The following ATRX variants were observed in gnomAD, a reference collection of about 807,000 sequenced individuals.
The protein encoded by ATRX is chromatin remodeler ATRX.
In ATRX, 12 loss-of-function variants were observed where a neutral mutation model predicts 172.6. That is an observed-to-expected ratio of 0.07 (90% CI 0.04 to 0.11). The LOEUF (loss-of-function observed/expected upper bound fraction) is 0.11, where lower values mean the gene tolerates loss of function less well. Among genes scored for constraint, ATRX ranks in the 10% least tolerant of loss-of-function variants. ATRX has a pLI of 1.00. For missense variants in ATRX, 1,368 were observed against 1,767.4 expected (o/e 0.77, Z 4.05); for synonymous variants, 674 against 594.7 (o/e 1.13, Z -1.94).
intron 9 of ATRX, among the ~76,000 whole-genome samples, chrX:77,681,205 AC>A (rs782673318): frequency 1.8e-3 from 202 of 111,746 alleles, no homozygotes; most frequent in African/African-American, 6.2e-3. Context: ...TAGCTACTGA[AC>A]CACTGGCACC....
intron 1 of ATRX, among the ~76,000 whole-genome samples, chrX:77,761,280 G>C (rs2075706759): frequency 9.0e-6 from 1 of 111,561 alleles, no homozygotes. Flanking sequence ...GCTCATATCT[G>C]TAATCCTAGC....
intron 6 of ATRX, among the ~76,000 whole-genome samples, chrX:77,693,230 C>A (rs1387477278): frequency 9.0e-6 from 1 of 110,974 alleles, no homozygotes; most frequent in Non-Finnish European, 1.9e-5. Context: ...GGGAGAGGTG[C>A]CTCTGGAAGA....
chrX:77,549,160 C>T (rs972549610), intron 30 of ATRX, among the ~76,000 whole-genome samples: 1 of 110,917 alleles, frequency 9.0e-6, no homozygotes, highest in Admixed American at 9.6e-5. Flanking sequence ...CGAGGTGGGT[C>T]GATCACTTGA....
At chrX:77,548,235 A>G (rs1390729471) in intron 30 of ATRX, among the ~76,000 whole-genome samples, 2 of 111,878 alleles carry the variant, frequency 1.8e-5, no homozygotes, top group Admixed American at 9.5e-5. Context: ...CGAATAGGAC[A>G]CTTTTGTAAT....
chrX:77,783,051 T>C (rs1225456060), intron 1 of ATRX, among the ~76,000 whole-genome samples: 2 of 110,703 alleles, frequency 1.8e-5, no homozygotes, highest in Non-Finnish European at 3.8e-5. Context: ...CTAGCCAATA[T>C]GGTGAAACTC....
At chrX:77,689,898 T>C (rs1557146195) in intron 6 of ATRX, among the ~76,000 whole-genome samples, 1 of 112,125 alleles carries the variant, frequency 8.9e-6, no homozygotes, top group Non-Finnish European at 1.9e-5. Flanking sequence ...TCAAAATGCT[T>C]ACATTCACAA....
rs1292367303 is a variant in ATRX, at chrX:77,716,323, AATATATAT to A, written c.133+800_133+807del. 2.9e-4 allele frequency among the ~76,000 whole-genome samples: 6 copies of A among 21,029 alleles called. No individual in the cohort carries two copies. In the South Asian group the frequency reaches 0.012, roughly 42 times the overall value. 18.3% of individuals were successfully genotyped at this position (21,029 alleles called of 115,157 possible). On this transcript the variant is annotated intron_variant, in intron 2 of 34. Transcript: ENST00000373344. The stretch of plus-strand genomic sequence containing the variant: ...CTTTAAAAAAAAAAAAAAAAAAAAA[AATATATAT>A]ATATATATATATATATATCTTTTTA...
intron 1 of ATRX, among the ~76,000 whole-genome samples, chrX:77,748,784 G>A (rs1209766524): frequency 5.5e-5 from 6 of 109,149 alleles, no homozygotes; most frequent in Non-Finnish European, 1.1e-4. Flanking sequence ...ATGGGATTTC[G>A]CCATGTTGGC....
Position 77,682,358 on chromosome X carries a change from C to G in ATRX, c.2898G>C (p.Glu966Asp). Residue 966 changes from glutamate (E) to aspartate (D), a missense_variant, in exon 9 of 35, where the codon GAG (glutamate) becomes GAC (aspartate). Coordinates refer to ENST00000373344, the MANE Select transcript of ATRX (RefSeq NM_000489.6). ...KVQDGLSDIA[E>D]KFLKKDQSDE... ...CGCTCTGGTCTTTCTTTAGGAATTTCTCTGCAATATCAGATAAGCCATCCT... is the reference window on the plus strand; with the variant it reads ...CGCTCTGGTCTTTCTTTAGGAATTTGTCTGCAATATCAGATAAGCCATCCT... 1 of 1,210,498 alleles carries G rather than the reference C, an allele frequency of 8.3e-7. No homozygotes were observed. Among genetic ancestry groups the G allele is most frequent in the Non-Finnish European group, 1.1e-6 (1 of 894,997 alleles).
At position 77,520,765 on chromosome X, in the gene ATRX, TAGTC is replaced by T. The variant is rs782698877; in HGVS notation, c.7200+19_7200+22del. The stretch of plus-strand genomic sequence containing the variant: ...AAGAAAATTAAACATAACCTAGAAA[TAGTC>T]AGACGTCAGAATTCTTACCATCTGT... On this transcript the variant is annotated intron_variant, in intron 34 of 34. Transcript: ENST00000373344. The T allele has an allele frequency of 4.2e-6, 5 of 1,200,422 alleles. No homozygotes were observed. In the South Asian group the frequency reaches 5.4e-5, roughly 13 times the overall value.
chrX:77,671,169 T>TATATAC (rs2070579103), intron 10 of ATRX, among the ~76,000 whole-genome samples: 1 of 19,083 alleles, frequency 5.2e-5, no homozygotes, highest in Non-Finnish European at 1.1e-4. Flanking sequence ...AAAAAAAAAA[T>TATATAC]ATATATATAT....
intron 14 of ATRX, among the ~76,000 whole-genome samples, chrX:77,652,645 CA>C (rs782374785): frequency 5.9e-4 from 58 of 98,096 alleles, no homozygotes; most frequent in Admixed American, 8.9e-4. Context: ...ACTAAAAATA[CA>C]AAAAAAAAAA....
intron 28 of ATRX, among the ~76,000 whole-genome samples, chrX:77,571,408 G>T (rs960593311): frequency 1.5e-4 from 17 of 111,873 alleles, no homozygotes; most frequent in African/African-American, 4.9e-4. Context: ...GTGACAACTT[G>T]GATGGAACTC....
intron 22 of ATRX, among the ~76,000 whole-genome samples, chrX:77,604,199 G>C (rs903980880): frequency 2.7e-5 from 3 of 112,237 alleles, no homozygotes; most frequent in African/African-American, 9.7e-5. Flanking sequence ...AATTAACTGA[G>C]TGAACAAACA....
chrX:77,580,212 T>C (rs1463430801), intron 27 of ATRX, among the ~76,000 whole-genome samples: 1 of 111,729 alleles, frequency 9.0e-6, no homozygotes, highest in Non-Finnish European at 1.9e-5. Context: ...ATATCGGTCT[T>C]AAACAGGAGG....
chrX:77,735,289 C>T (rs1476258636), intron 1 of ATRX, among the ~76,000 whole-genome samples: 1 of 111,088 alleles, frequency 9.0e-6, no homozygotes. Context: ...TGGTGAAATC[C>T]GGTCTCTATT....
At chrX:77,721,381 C>A (rs1320741092) in intron 1 of ATRX, among the ~76,000 whole-genome samples, 2 of 111,609 alleles carry the variant, frequency 1.8e-5, no homozygotes, top group Non-Finnish European at 3.8e-5. Context: ...AAGAGGAAGT[C>A]AAATTCTCTG....
chrX:77,687,998 C>T (rs782093547), intron 7 of ATRX, among the ~76,000 whole-genome samples: 101 of 111,617 alleles, frequency 9.0e-4, no homozygotes, highest in Non-Finnish European at 1.7e-3. Context: ...AGTACAATGG[C>T]GCGATCTCGA....
At chrX:77,656,770 T>C in intron 12 of ATRX, 117 bp from the exon 13 acceptor site, 1 of 532,199 alleles carries the variant, frequency 1.9e-6, no homozygotes, top group Non-Finnish European at 3.1e-6. Flanking sequence ...CAGAGGTATA[T>C]ATGTGAATGG....
Sources: gnomAD v4.1 joint callset for allele counts (sites outside exome capture counted in the v4.1 genomes callset) on GRCh38, gnomAD v4.1.1 for gene constraint, MANE v1.5 for transcripts, NCBI Gene and HGNC (gene_info 2026-07-23, HGNC 2026-07-21) for gene names.